Variants in RRM2 observed in about 807,000 individuals in gnomAD.
The protein encoded by RRM2 is ribonucleoside-diphosphate reductase subunit M2.
In RRM2, 6 loss-of-function variants were observed where a neutral mutation model predicts 45.9. The ratio of observed to expected loss-of-function variants is 0.13; its 90% confidence interval spans 0.07 to 0.26. The LOEUF is 0.26. Among genes scored for constraint, RRM2 ranks in the 10% least tolerant of loss-of-function variants. RRM2 has a pLI of 1.00. For synonymous variants in RRM2, 177 were observed against 173.0 expected, an observed-to-expected ratio of 1.02 and a Z score of -0.18; for missense variants, 343 against 489.5, an observed-to-expected ratio of 0.70 and a Z score of 2.82.
intron 3 of RRM2, among the ~76,000 whole-genome samples, chr2:10,149,230 G>A (rs1663255804): frequency 6.6e-6 from 1 of 151,852 alleles, no homozygotes. Context: ...CTGGGATCAA[G>A]CGATTCTCCT....
At chr2:10,200,489 C>G (rs7595194) in intron 3 of RRM2, among the ~76,000 whole-genome samples, 10,665 of 20,524 alleles carry the variant, frequency 0.52, 1,755 homozygotes, top group East Asian at 0.64. Flanking sequence ...GGCCCACAGG[C>G]ACCGCGCACA....
intron 3 of RRM2, among the ~76,000 whole-genome samples, chr2:10,194,771 G>T (rs1020311517): frequency 6.6e-6 from 1 of 152,230 alleles, no homozygotes; most frequent in Admixed American, 6.5e-5. Context: ...CCTCTGACCA[G>T]CCCCACTGTC....
intron 3 of RRM2, among the ~76,000 whole-genome samples, chr2:10,152,387 G>A (rs2125315652): frequency 6.6e-6 from 1 of 150,638 alleles, no homozygotes; most frequent in Non-Finnish European, 1.5e-5. Flanking sequence ...TTTATTCAGT[G>A]TCTTTTGAAA....
At chr2:10,142,323 C>T (rs781291956) in exon 3 of RRM2, 1 of 1,389,064 alleles carries the variant, frequency 7.2e-7, no homozygotes, top group Non-Finnish European at 9.7e-7. Context: ...TTCTGCGTGT[C>T]AGGTGTTACT....
intron 3 of RRM2, among the ~76,000 whole-genome samples, chr2:10,202,495 C>T (rs531095662): frequency 5.9e-5 from 9 of 152,298 alleles, no homozygotes; most frequent in South Asian, 4.1e-4. Context: ...CTCAGGGGCA[C>T]TCTCTCTTAT....
chr2:10,201,566 C>T (rs1558407377), intron 3 of RRM2, among the ~76,000 whole-genome samples: 1 of 152,208 alleles, frequency 6.6e-6, no homozygotes, highest in Non-Finnish European at 1.5e-5. Context: ...TCAAGAGCAC[C>T]TGTCAGAACT....
chr2:10,160,980 C>G (rs976104914), intron 3 of RRM2, among the ~76,000 whole-genome samples: 1 of 152,248 alleles, frequency 6.6e-6, no homozygotes, highest in Admixed American at 6.5e-5. Context: ...GTCGCTCCGT[C>G]CTTCCGAGCC....
downstream of RRM2, among the ~76,000 whole-genome samples, chr2:10,132,075 A>G (rs1449245920): frequency 6.6e-6 from 1 of 152,180 alleles, no homozygotes; most frequent in African/African-American, 2.4e-5. Context: ...GTGTCTATAA[A>G]GGCCCTTTCC....
intron 3 of RRM2, among the ~76,000 whole-genome samples, chr2:10,161,248 A>G (rs1445481260): frequency 6.6e-6 from 1 of 152,168 alleles, no homozygotes; most frequent in African/African-American, 2.4e-5. Flanking sequence ...TGGTAGAGAC[A>G]GGGTTTCCTC....
intron 3 of RRM2, chr2:10,155,122 G>T: frequency 3.2e-6 from 1 of 311,810 alleles, no homozygotes; most frequent in Non-Finnish European, 6.1e-6. Flanking sequence ...ACTGAGCAGT[G>T]AACAGACCAC....
intron 3 of RRM2, among the ~76,000 whole-genome samples, chr2:10,163,338 T>TGGGGGGGGGGGGGGGGG (rs1194295694): frequency 3.8e-5 from 1 of 26,362 alleles, no homozygotes; most frequent in African/African-American, 1.5e-4. Context: ...GGCGGGGGGG[T>TGGGGGGGGGGGGGGGGG]GGGGGGGCAT....
chr2:10,200,579 AGGGACCGCGCGCG>A lies in RRM2; in HGVS notation n.483-9731_483-9719del, dbSNP rs1664540204. On this transcript the variant is annotated intron_variant and non_coding_transcript_variant, in intron 3 of 3. Coordinates refer to the RRM2 transcript ENST00000381786. The stretch of plus-strand genomic sequence containing the variant: ...CGCGCGCGCAAAATATGAGGCCCAC[AGGGACCGCGCGCG>A]CAAAATATGAGGCCCACAGGGACCG... Among the ~76,000 whole-genome samples the A allele has an allele frequency of 4.3e-4, 12 of 28,040 alleles. 4 individuals carry two copies. Among genetic ancestry groups the A allele is most frequent in the Middle Eastern group, 0.031 (2 of 64 alleles). The allele number at this position is 28,040 out of a possible 152,430, so 18.4% of individuals were successfully genotyped here. A position where few individuals can be genotyped will look rare whatever the true frequency, so the allele number is the denominator to read the frequency against.
intron 3 of RRM2, chr2:10,145,629 C>A: frequency 6.6e-6 from 1 of 152,312 alleles, no homozygotes. Context: ...AGACAGTGGG[C>A]CTGGGGCAGA....
At chr2:10,138,317 G>A (rs989098358), upstream of RRM2, among the ~76,000 whole-genome samples, 3 of 152,136 alleles carry the variant, frequency 2.0e-5, no homozygotes, top group Non-Finnish European at 4.4e-5. Flanking sequence ...ACGGGCACAT[G>A]CCACCATGCC....
intron 3 of RRM2, among the ~76,000 whole-genome samples, chr2:10,191,931 A>G (rs12466421): frequency 0.36 from 55,077 of 151,924 alleles, 10,328 homozygotes; most frequent in South Asian, 0.48. Flanking sequence ...ATGGCCTCGA[A>G]TGAGTCCGTG....
chr2:10,180,806 C>T (rs6708675), intron 3 of RRM2, among the ~76,000 whole-genome samples: 37,338 of 152,008 alleles, frequency 0.25, 5,123 homozygotes, highest in East Asian at 0.51. Context: ...CTCACTCTGT[C>T]GCTAGGCTGG....
chr2:10,127,337 G>A lies in RRM2; in HGVS notation c.798+117G>A. ...TGGCATATATCCACATTTAATGTGT[G>A]AGTTCAACCATACACATACTTGACA... On this transcript the variant is annotated intron_variant, in intron 7 of 9. Coordinates refer to ENST00000304567, the MANE Select transcript of RRM2 (RefSeq NM_001034.4). The surrounding 1 kb of genome is among the most constrained non-coding windows in gnomAD (Gnocchi z 4.1). 1.0e-6 allele frequency: 1 copy of A among 995,344 alleles called. No homozygotes were observed. Among genetic ancestry groups the A allele is most frequent in the Non-Finnish European group, 1.5e-6 (1 of 678,348 alleles). 61.7% of individuals were successfully genotyped at this position (995,344 alleles called of 1,614,324 possible).
intron 3 of RRM2, among the ~76,000 whole-genome samples, chr2:10,187,024 G>C (rs371946476): frequency 6.6e-6 from 1 of 152,252 alleles, no homozygotes; most frequent in Non-Finnish European, 1.5e-5. Flanking sequence ...GGCTGGTGCC[G>C]GTGCCCCCGA....
rs919356132 is a variant in RRM2, at chr2:10,164,970, C to T, written n.482+22595C>T. ...TTGAATAAAGTGTTTTGAATTCTGCCGCACAGAGGGGACCCCGCTTTACTC... is the reference window on the plus strand; with the variant it reads ...TTGAATAAAGTGTTTTGAATTCTGCTGCACAGAGGGGACCCCGCTTTACTC... On this transcript the variant is annotated intron_variant and non_coding_transcript_variant, in intron 3 of 3. Transcript: ENST00000381786. Among the ~76,000 whole-genome samples the T allele has an allele frequency of 2.0e-5, 3 of 152,156 alleles. No individual in the cohort carries two copies. In the South Asian group the frequency reaches 6.2e-4, roughly 31 times the overall value.
Sources: gnomAD v4.1 joint callset for allele counts (sites outside exome capture counted in the v4.1 genomes callset) on GRCh38, gnomAD v4.1.1 for gene constraint, Gnocchi (gnomAD v3.1) non-coding constraint, MANE v1.5 for transcripts, NCBI Gene and HGNC (gene_info 2026-07-23, HGNC 2026-07-21) for gene names.